Variants in SLC8A1 observed in about 807,000 individuals in gnomAD.
The protein encoded by SLC8A1 is solute carrier family 8 member A1.
Under a neutral mutation model 68.3 loss-of-function variants are expected in SLC8A1, and 18 were observed. The ratio of observed to expected loss-of-function variants is 0.26; its 90% CI spans 0.18 to 0.39. The LOEUF is 0.39. Among genes scored for constraint, SLC8A1 ranks in the 10% least tolerant of loss-of-function variants. The probability of loss-of-function intolerance (pLI) is 1.00; values close to 1 mark genes in which losing one functional copy is unlikely to be tolerated. For missense variants in SLC8A1, 985 were observed against 1,156.7 expected, an observed-to-expected ratio of 0.85 and a Z score of 2.15; for synonymous variants, 475 against 415.5, an observed-to-expected ratio of 1.14 and a Z score of -1.74.
At chr2:40,251,231 G>C (rs974435385) in intron 2 of SLC8A1, 1 of 152,004 alleles carries the variant, frequency 6.6e-6, no homozygotes, top group African/African-American at 2.4e-5. Flanking sequence ...TTCAGACAAA[G>C]GGAAAAACCA....
intron 1 of SLC8A1, among the ~76,000 whole-genome samples, chr2:40,475,738 G>C (rs1426388141): frequency 6.6e-6 from 1 of 151,838 alleles, no homozygotes; most frequent in Non-Finnish European, 1.5e-5. Context: ...AAGCTCTTTA[G>C]TTGCTGAAGG....
chr2:40,381,438 T>G (rs1193587992), intron 2 of SLC8A1, among the ~76,000 whole-genome samples: 3 of 152,028 alleles, frequency 2.0e-5, no homozygotes, highest in Non-Finnish European at 4.4e-5. Context: ...TCTTCTCACA[T>G]CTCTCCATGA....
chr2:40,290,264 A>G (rs1559113198), intron 2 of SLC8A1, among the ~76,000 whole-genome samples: 1 of 152,216 alleles, frequency 6.6e-6, no homozygotes, highest in East Asian at 1.9e-4. Context: ...AGCTGAAAAA[A>G]AAAAAAGGTT....
intron 2 of SLC8A1, among the ~76,000 whole-genome samples, chr2:40,356,539 C>T (rs1436917613): frequency 2.0e-5 from 3 of 151,582 alleles, no homozygotes; most frequent in Non-Finnish European, 4.4e-5. Context: ...AAAAAACTGC[C>T]TTTCAAAGAT....
At chr2:40,360,257 A>G (rs2149477201) in intron 2 of SLC8A1, among the ~76,000 whole-genome samples, 1 of 152,298 alleles carries the variant, frequency 6.6e-6, no homozygotes, top group East Asian at 1.9e-4. Context: ...ATAAAGGTTA[A>G]AACAGCTCCC....
chr2:40,372,986 C>G (rs554774943), intron 2 of SLC8A1, among the ~76,000 whole-genome samples: 1 of 151,906 alleles, frequency 6.6e-6, no homozygotes, highest in African/African-American at 2.4e-5. Context: ...AAAATACCAA[C>G]AGCAGCCTTG....
chr2:40,412,243 T>C (rs1231993491), intron 2 of SLC8A1, among the ~76,000 whole-genome samples: 2 of 152,272 alleles, frequency 1.3e-5, no homozygotes, highest in East Asian at 1.9e-4. Context: ...GTCTATAAAA[T>C]GTTATAACCT....
chr2:40,432,865 A>G (rs1426205869), intron 1 of SLC8A1, among the ~76,000 whole-genome samples: 1 of 152,138 alleles, frequency 6.6e-6, no homozygotes, highest in Non-Finnish European at 1.5e-5. Flanking sequence ...TTTGCCTACT[A>G]TATAAAATCT....
chr2:40,286,176 C>T (rs1022243492), intron 2 of SLC8A1, among the ~76,000 whole-genome samples: 5 of 152,176 alleles, frequency 3.3e-5, no homozygotes, highest in African/African-American at 1.2e-4. Flanking sequence ...GTGCCTGCTG[C>T]AGCTTCCAGA....
intron 2 of SLC8A1, among the ~76,000 whole-genome samples, chr2:40,272,541 C>T (rs1287337514): frequency 6.6e-6 from 1 of 152,160 alleles, no homozygotes; most frequent in East Asian, 1.9e-4. Flanking sequence ...GCTAACACTG[C>T]AGAGCCTGTG....
At chr2:40,173,883 A>G (rs909484188) in intron 4 of SLC8A1, among the ~76,000 whole-genome samples, 12 of 152,142 alleles carry the variant, frequency 7.9e-5, no homozygotes. Context: ...TGCACAGATG[A>G]CTCTAAAAGG....
exon 8 of SLC8A1, chr2:40,101,319 T>A (rs2033877690): frequency 6.6e-6 from 1 of 152,098 alleles, no homozygotes. Flanking sequence ...TCCTTTTAGC[T>A]CAGTCAGTCA....
At chr2:40,323,720 A>G (rs1458240934) in intron 2 of SLC8A1, among the ~76,000 whole-genome samples, 2 of 152,110 alleles carry the variant, frequency 1.3e-5, no homozygotes, top group Non-Finnish European at 2.9e-5. Flanking sequence ...AAACCCTCCT[A>G]CCCAAACGGC....
Position 40,378,754 on chromosome 2 carries a change from G to A in SLC8A1, c.1808+49719C>T, listed in dbSNP as rs368385795. ...GAATTCAGCCAGGTATCACACACAT[G>A]CTCCTGTTCCTGTTAAATTCCTATT... On this transcript the variant is annotated intron_variant, in intron 2 of 7. Transcript: ENST00000406785. Among the ~76,000 whole-genome samples the A allele has an allele frequency of 4.6e-5, 7 of 152,132 alleles. No homozygotes were observed. In the South Asian group the frequency reaches 1.4e-3, roughly 32 times the overall value.
At chr2:40,114,734 C>T (rs2035023188) in exon 8 of SLC8A1, 1 of 152,290 alleles carries the variant, frequency 6.6e-6, no homozygotes, top group Non-Finnish European at 1.5e-5. Flanking sequence ...TTTCTTCTTC[C>T]ATGCCCAGAT....
At chr2:40,185,652 T>C (rs1488013966) in intron 2 of SLC8A1, among the ~76,000 whole-genome samples, 1 of 152,260 alleles carries the variant, frequency 6.6e-6, no homozygotes, top group East Asian at 1.9e-4. Flanking sequence ...TTTGGAATAA[T>C]GAAAATGTTC....
intron 2 of SLC8A1, among the ~76,000 whole-genome samples, chr2:40,342,672 T>C (rs1250247408): frequency 1.3e-5 from 2 of 152,138 alleles, no homozygotes; most frequent in African/African-American, 4.8e-5. Context: ...AGTGGATCCT[T>C]CTAATAATTG....
chr2:40,299,133 C>T (rs938455901), intron 2 of SLC8A1, among the ~76,000 whole-genome samples: 10 of 152,140 alleles, frequency 6.6e-5, no homozygotes, highest in African/African-American at 1.7e-4. Context: ...TGGCAAGTGT[C>T]GCACACCCCA....
intron 2 of SLC8A1, among the ~76,000 whole-genome samples, chr2:40,352,473 T>A (rs1408364672): frequency 2.6e-5 from 4 of 152,204 alleles, no homozygotes; most frequent in Non-Finnish European, 4.4e-5. Context: ...CTTTCTATAA[T>A]CCTCAGGAAT....
Sources: allele counts gnomAD v4.1 joint callset (sites outside exome capture counted in the v4.1 genomes callset), GRCh38; gene constraint gnomAD v4.1.1; transcripts MANE v1.5; gene names NCBI Gene and HGNC (gene_info 2026-07-23, HGNC 2026-07-21).